BMPER: variants seen among roughly 807,000 people sequenced by gnomAD.
BMPER encodes the protein BMP binding endothelial regulator.
BMPER carries 45 observed loss-of-function variants against 87.3 expected under a neutral mutation model. The observed-to-expected ratio is 0.52, with a 90% confidence interval of 0.41 to 0.66. The LOEUF is 0.66. Among genes scored for constraint, BMPER ranks in the 30% least tolerant of loss-of-function variants. The pLI is 0.00. For missense variants in BMPER, 784 were observed against 867.5 expected (o/e 0.90, Z 1.21); for synonymous variants, 326 against 316.2 (o/e 1.03, Z -0.33).
At chr7:33,909,449 A>G (rs926672644) in intron 2 of BMPER, among the ~76,000 whole-genome samples, 6 of 152,184 alleles carry the variant, frequency 3.9e-5, no homozygotes, top group Non-Finnish European at 7.3e-5. Context: ...CAGTTAGTTG[A>G]CATTTGTTAA....
intron 6 of BMPER, among the ~76,000 whole-genome samples, chr7:33,996,947 T>A (rs933783078): frequency 6.6e-6 from 1 of 152,212 alleles, no homozygotes; most frequent in Non-Finnish European, 1.5e-5. Context: ...TTTCCAGTGC[T>A]CAATCGCACA....
intron 13 of BMPER, among the ~76,000 whole-genome samples, chr7:34,123,392 G>A (rs981947870): frequency 6.6e-6 from 1 of 152,186 alleles, no homozygotes; most frequent in Middle Eastern, 3.2e-3. Context: ...TAGAGATGAG[G>A]TCAACTCCTG....
intron 8 of BMPER, among the ~76,000 whole-genome samples, chr7:34,054,482 C>T (rs956760559): frequency 2.0e-5 from 3 of 152,124 alleles, no homozygotes; most frequent in Admixed American, 1.3e-4. Context: ...GCACAGTAAA[C>T]CTGAGAAACA....
At chr7:33,933,790 G>A (rs1160850481) in intron 2 of BMPER, among the ~76,000 whole-genome samples, 1 of 152,126 alleles carries the variant, frequency 6.6e-6, no homozygotes, top group African/African-American at 2.4e-5. Flanking sequence ...TCATTATTTT[G>A]TTCTCTTCTG....
At chr7:34,055,921 G>C (rs921525213) in intron 9 of BMPER, among the ~76,000 whole-genome samples, 1 of 152,182 alleles carries the variant, frequency 6.6e-6, no homozygotes, top group Non-Finnish European at 1.5e-5. Context: ...AAGATGGTTG[G>C]CTTTGTCCAA....
At chr7:33,916,805 G>C (rs1400725575) in intron 2 of BMPER, among the ~76,000 whole-genome samples, 1 of 152,214 alleles carries the variant, frequency 6.6e-6, no homozygotes, top group African/African-American at 2.4e-5. Flanking sequence ...CTTGGGACTT[G>C]AGTGGGAGTT....
chr7:34,038,614 A>G (rs1003896696), intron 6 of BMPER, among the ~76,000 whole-genome samples: 3 of 152,188 alleles, frequency 2.0e-5, no homozygotes, highest in South Asian at 4.1e-4. Context: ...GGCATGCAAA[A>G]TAAAAGGAAT....
intron 14 of BMPER, among the ~76,000 whole-genome samples, chr7:34,148,905 A>G (rs1276620207): frequency 6.6e-6 from 1 of 152,228 alleles, no homozygotes; most frequent in Non-Finnish European, 1.5e-5. Flanking sequence ...CTAGAGGGCA[A>G]GTGAGTTGAA....
intron 6 of BMPER, among the ~76,000 whole-genome samples, chr7:33,980,727 C>T (rs1031812464): frequency 3.3e-5 from 5 of 152,130 alleles, no homozygotes; most frequent in Admixed American, 2.6e-4. Flanking sequence ...TAAAACCAGC[C>T]AAATTAACCG....
intron 3 of BMPER, among the ~76,000 whole-genome samples, chr7:33,961,202 G>T (rs1428710952): frequency 6.6e-6 from 1 of 152,190 alleles, no homozygotes; most frequent in African/African-American, 2.4e-5. Context: ...TTTGGGAACA[G>T]CAGAATAGAG....
chr7:34,010,537 T>C (rs773708797), intron 6 of BMPER, among the ~76,000 whole-genome samples: 5 of 151,942 alleles, frequency 3.3e-5, no homozygotes, highest in Non-Finnish European at 7.4e-5. Context: ...CTTTGAATCA[T>C]CAAATGTGAT....
chr7:34,068,725 G>C (rs1008632492), intron 11 of BMPER, among the ~76,000 whole-genome samples: 1 of 152,104 alleles, frequency 6.6e-6, no homozygotes, highest in African/African-American at 2.4e-5. Context: ...AAATAACTCT[G>C]TATATAATTT....
chr7:34,019,368 C>T (rs1464519241), intron 6 of BMPER, among the ~76,000 whole-genome samples: 1 of 152,012 alleles, frequency 6.6e-6, no homozygotes, highest in Non-Finnish European at 1.5e-5. Flanking sequence ...GGCTTCACTA[C>T]CCAAGACTGA....
chr7:33,951,000 G>A (rs1283939184), intron 3 of BMPER, among the ~76,000 whole-genome samples: 1 of 151,462 alleles, frequency 6.6e-6, no homozygotes, highest in African/African-American at 2.4e-5. Context: ...CAAGATCTGG[G>A]TCTTGCTCTC....
chr7:34,152,976 C>G, intron 14 of BMPER, 116 bp from the exon 15 acceptor site: 1 of 1,191,864 alleles, frequency 8.4e-7, no homozygotes, highest in Non-Finnish European at 1.2e-6. Context: ...CAAATGTGAT[C>G]CTGAGCTATG....
At position 34,055,291 on chromosome 7, in the gene BMPER, C is replaced by T. The variant is rs777064404; in HGVS notation, c.915C>T (p.Asn305=). 5.0e-6 allele frequency: 8 copies of T among 1,613,908 alleles called. No individual in the cohort carries two copies. Among genetic ancestry groups the T allele is most frequent in the African/African-American group, 2.7e-5 (2 of 74,892 alleles). Residue 305 remains asparagine, a synonymous_variant, in exon 9 of 15, where the codon AAC becomes AAT. Transcript: ENST00000649409. Reference sequence around the variant, plus strand: ...ACATCAAAGTATGCAAATTTGGCAACAAGATTTTCCAGGTATGTCATGAGA... The same window carrying T: ...ACATCAAAGTATGCAAATTTGGCAATAAGATTTTCCAGGTATGTCATGAGA... ...PEDIKVCKFG[N]KIFQDGEMWS... is the part of the protein sequence containing the mutation.
At chr7:34,112,660 C>T (rs1435978090) in intron 13 of BMPER, among the ~76,000 whole-genome samples, 1 of 151,918 alleles carries the variant, frequency 6.6e-6, no homozygotes, top group Non-Finnish European at 1.5e-5. Context: ...CATGTTTTTT[C>T]AGTCTGAGAA....
At chr7:34,119,014 T>TCACACAGACACACACA (rs1790192493) in intron 13 of BMPER, among the ~76,000 whole-genome samples, 1 of 135,712 alleles carries the variant, frequency 7.4e-6, no homozygotes, top group Non-Finnish European at 1.6e-5. Context: ...TCTCTCTCTC[T>TCACACAGACACACACA]CACACACACA....
intron 6 of BMPER, among the ~76,000 whole-genome samples, chr7:34,029,387 A>G (rs563302528): frequency 4.0e-4 from 61 of 152,182 alleles, no homozygotes; most frequent in Middle Eastern, 3.4e-3. Flanking sequence ...CAATTCAGCA[A>G]TCTCCACCCC....
Sources: allele counts gnomAD v4.1 joint callset (sites outside exome capture counted in the v4.1 genomes callset), GRCh38; gene constraint gnomAD v4.1.1; transcripts MANE v1.5; gene names NCBI Gene and HGNC (gene_info 2026-07-23, HGNC 2026-07-21).